Variants in NID2 observed in about 807,000 individuals in gnomAD.
The protein encoded by NID2 is nidogen-2.
A neutral mutation model predicts 145.4 loss-of-function variants in NID2; 83 were observed. The ratio of observed to expected loss-of-function variants is 0.57; its 90% CI spans 0.48 to 0.69. The LOEUF (loss-of-function observed/expected upper bound fraction) is 0.69. Among genes scored for constraint, NID2 ranks in the 30% least tolerant of loss-of-function variants. The pLI, the probability that NID2 is intolerant of heterozygous loss-of-function variation, is 0.00. For synonymous variants in NID2, 739 were observed against 701.3 expected (o/e 1.05, Z -0.85); for missense variants, 1,807 against 1,765.7 (o/e 1.02, Z -0.42).
intron 9 of NID2, 120 bp downstream of exon 9, chr14:52,038,627 C>A (rs1439243138): frequency 1.6e-5 from 12 of 742,534 alleles, no homozygotes; most frequent in Non-Finnish European, 2.3e-5. Context: ...CTCTATTCAT[C>A]CTTATACCTA....
chr14:52,046,773 G>A (rs1475266849), intron 5 of NID2, among the ~76,000 whole-genome samples: 2 of 152,208 alleles, frequency 1.3e-5, no homozygotes, highest in Non-Finnish European at 2.9e-5. Flanking sequence ...AAGCTAACCT[G>A]GGAGTCTTTT....
rs1199302083 is a variant in NID2, at chr14:52,028,844, T to C, written c.2408A>G (p.Asn803Ser). Residue 803 changes from asparagine to serine, a missense_variant, in exon 11 of 22, where the codon AAT becomes AGT. Asn to Ser is a conservative substitution (Grantham distance 46). Transcript: ENST00000216286. ...GCGATGAAAGCCAGTTGCACATTCA[T>C]TTTCATCTAAGAAGAAATGAGAAGA... The part of the protein sequence containing the change: ...QGDGRNCVDE[N>S]ECATGFHRCG... 6.2e-7 allele frequency: 1 copy of C among 1,613,198 alleles called. No homozygotes were observed. The highest frequency in any genetic ancestry group is 8.5e-7 in the Non-Finnish European group (1 of 1,179,724).
intron 5 of NID2, among the ~76,000 whole-genome samples, chr14:52,047,681 G>T (rs1188041681): frequency 1.3e-5 from 2 of 152,144 alleles, no homozygotes; most frequent in African/African-American, 4.8e-5. Flanking sequence ...GATGTGGGAT[G>T]ATGTTCAGTC....
At chr14:52,058,225 C>G (rs1278779714) in intron 3 of NID2, among the ~76,000 whole-genome samples, 1 of 152,140 alleles carries the variant, frequency 6.6e-6, no homozygotes, top group African/African-American at 2.4e-5. Context: ...GACTAAAAGA[C>G]CCCTATAAGA....
chr14:52,010,700 C>A, intron 18 of NID2, 176 bp downstream of exon 18: 1 of 590,328 alleles, frequency 1.7e-6, no homozygotes, highest in South Asian at 2.4e-5. Flanking sequence ...AAGAACAGAC[C>A]TTGTCTTTTC....
At chr14:52,028,053 T>A (rs1891653969) in intron 11 of NID2, among the ~76,000 whole-genome samples, 1 of 152,218 alleles carries the variant, frequency 6.6e-6, no homozygotes. Context: ...CATCAGTGAA[T>A]TATAAATCCA....
In NID2 at chr14:52,019,329, G is replaced by A. The variant is rs375701173; in HGVS notation, c.2795-35C>T. On this transcript the variant is annotated intron_variant, in intron 13 of 21. Coordinates refer to ENST00000216286, the MANE Select transcript of NID2 (RefSeq NM_007361.4). ...TCAAGGCAGAGGAAGACACAAAAGA[G>A]AAATAGAAGGCATTGCAACCCATCC... 258 of 1,510,608 alleles carry A rather than the reference G, an allele frequency of 1.7e-4. 3 individuals carry two copies. The South Asian group carries it at 2.5e-3, about 15-fold the overall frequency. 93.6% of individuals were successfully genotyped at this position (1,510,608 alleles called of 1,614,324 possible).
intron 3 of NID2, among the ~76,000 whole-genome samples, chr14:52,057,174 TGGGTCTAC>T (rs999846161): frequency 2.6e-5 from 4 of 152,102 alleles, no homozygotes; most frequent in African/African-American, 9.7e-5. Context: ...CCCAAATAGC[TGGGTCTAC>T]GGGTGCACAC....
At chr14:52,021,076 A>G (rs1054827519) in intron 12 of NID2, among the ~76,000 whole-genome samples, 8 of 152,088 alleles carry the variant, frequency 5.3e-5, no homozygotes, top group Admixed American at 3.3e-4. Context: ...AAGGGATGAG[A>G]TAAGCTACTT....
At chr14:52,067,149 A>G (rs1302430218) in intron 2 of NID2, among the ~76,000 whole-genome samples, 1 of 152,200 alleles carries the variant, frequency 6.6e-6, no homozygotes, top group Non-Finnish European at 1.5e-5. Context: ...GATTCACGCT[A>G]TTATTTATAA....
chr14:52,016,044 TCC>T, intron 14 of NID2, among the ~76,000 whole-genome samples: 1 of 152,056 alleles, frequency 6.6e-6, no homozygotes, highest in East Asian at 1.9e-4. Context: ...TGTTGCCCTT[TCC>T]CCCCCTTTCT....
Position 52,005,498 on chromosome 14 carries a change from T to C in NID2, c.4118-2A>G. 6.3e-7 allele frequency: 1 copy of C among 1,598,748 alleles called. No individual in the cohort carries two copies. The highest frequency in any genetic ancestry group is 8.5e-7 in the Non-Finnish European group (1 of 1,174,332). The stretch of plus-strand genomic sequence containing the variant: ...TACATTACTGTACTTACTTTCTTCC[T>C]GTGAGAGAAGAGCAGGGGTGGGACA... On this transcript the variant is annotated splice_acceptor_variant, in intron 21 of 21. Coordinates refer to ENST00000216286, the MANE Select transcript of NID2 (RefSeq NM_007361.4). LOFTEE classifies it high-confidence loss of function.
chr14:52,026,754 T>C (rs1444410749), intron 12 of NID2, among the ~76,000 whole-genome samples: 1 of 152,354 alleles, frequency 6.6e-6, no homozygotes, highest in East Asian at 1.9e-4. Flanking sequence ...ATGTGTCTTT[T>C]TATATATGTG....
Position 52,068,086 on chromosome 14 carries a change from G to A in NID2, c.306C>T (p.Asp102=), listed in dbSNP as rs755071354. 6.2e-7 allele frequency: 1 copy of A among 1,613,672 alleles called. No individual in the cohort carries two copies. Among genetic ancestry groups the A allele is most frequent in the South Asian group, 1.1e-5 (1 of 90,910 alleles). ...CCAGAAAAGGGGCGATGGCCGGGAA[G>A]TCGGTGGGGAAATCATAGTCCACAT... ...TQYVDYDFPT[D]FPAIAPFLAD... is the part of the protein sequence containing the mutation. Residue 102 remains aspartate, a synonymous_variant, in exon 2 of 22, where the codon GAC becomes GAT. Transcript: ENST00000216286.
chr14:52,043,776 AAGGGGGT>A (rs1431783294), intron 5 of NID2, among the ~76,000 whole-genome samples: 3 of 152,098 alleles, frequency 2.0e-5, no homozygotes, highest in Non-Finnish European at 4.4e-5. Context: ...GGAAATAGCC[AAGGGGGT>A]AGGGTGTGGC....
intron 5 of NID2, among the ~76,000 whole-genome samples, chr14:52,049,782 T>C (rs1452452966): frequency 1.3e-5 from 2 of 152,130 alleles, no homozygotes; most frequent in East Asian, 3.8e-4. Flanking sequence ...GGGGTGGCCT[T>C]TTACAACTGC....
Position 52,067,960 on chromosome 14 carries a change from G to T in NID2, c.432C>A (p.Phe144Leu). ...TGGGGGTAAAGCGCGCAGAGCGCGGGAAGCCAGCGCGCACATAGCGGGCGG... is the reference window on the plus strand; with the variant it reads ...TGGGGGTAAAGCGCGCAGAGCGCGGTAAGCCAGCGCGCACATAGCGGGCGG... ...GLAARYVRAGFPRSARFTPTH... is the reference protein window; with the variant it reads ...GLAARYVRAGLPRSARFTPTH... The change falls in exon 2 of 22, where the codon TTC (phenylalanine) becomes TTA (leucine). Residue 144 changes from phenylalanine to leucine, a missense_variant. Transcript: ENST00000216286. 1 of 1,611,534 alleles carries T rather than the reference G, an allele frequency of 6.2e-7. No homozygotes were observed. Among genetic ancestry groups the T allele is most frequent in the Non-Finnish European group, 8.5e-7 (1 of 1,179,032 alleles).
At chr14:52,027,822 C>T (rs1216691763) in intron 11 of NID2, among the ~76,000 whole-genome samples, 1 of 150,918 alleles carries the variant, frequency 6.6e-6, no homozygotes, top group Non-Finnish European at 1.5e-5. Flanking sequence ...CTCCCTGGTT[C>T]AAGTGATTCT....
At chr14:52,057,891 G>A (rs1170783172) in intron 3 of NID2, among the ~76,000 whole-genome samples, 1 of 151,986 alleles carries the variant, frequency 6.6e-6, no homozygotes, top group African/African-American at 2.4e-5. Flanking sequence ...AGATTATATT[G>A]AAGGACATTT....
Sources: gnomAD v4.1 joint callset for allele counts (sites outside exome capture counted in the v4.1 genomes callset) on GRCh38, gnomAD v4.1.1 for gene constraint, MANE v1.5 for transcripts, NCBI Gene and HGNC (gene_info 2026-07-23, HGNC 2026-07-21) for gene names.